SIAH3: variants seen among roughly 807,000 people sequenced by gnomAD.
The protein encoded by SIAH3 is seven in absentia homolog 3.
Under a neutral mutation model 12.6 loss-of-function variants are expected in SIAH3, and 9 were observed. The ratio of observed to expected loss-of-function variants is 0.72; its 90% CI spans 0.43 to 1.25. The LOEUF is 1.25. Among genes scored for constraint, SIAH3 ranks in the 50% most tolerant of loss-of-function variants. SIAH3 has a pLI of 0.00. For missense variants in SIAH3, 390 were observed against 365.4 expected (o/e 1.07, Z -0.55); for synonymous variants, 154 against 151.1 (o/e 1.02, Z -0.14).
chr13:45,850,476 A>C (rs1950776362), intron 1 of SIAH3, among the ~76,000 whole-genome samples: 1 of 152,130 alleles, frequency 6.6e-6, no homozygotes, highest in African/African-American at 2.4e-5. Context: ...CCTGCCTTAC[A>C]CAGGAGTACA....
In SIAH3 at chr13:45,826,413, A is replaced by AG. The variant is rs1566094876; in HGVS notation, c.135+25081_135+25082insC. Among the ~76,000 whole-genome samples the AG allele has an allele frequency of 5.3e-3, 63 of 11,892 alleles. 1 individual carries two copies. Among genetic ancestry groups the AG allele is most frequent in the African/African-American group, 8.7e-3 (29 of 3,352 alleles). 7.8% of individuals were successfully genotyped at this position (11,892 alleles called of 152,430 possible). A position where few individuals can be genotyped will look rare whatever the true frequency, so the allele number is the denominator to read the frequency against. Reference sequence around the variant, plus strand: ...GATGGATGGATGGATGGATGGATGGATGGATGGATGGATGGATGAATGGAT... The same window carrying AG: ...GATGGATGGATGGATGGATGGATGGAGTGGATGGATGGATGGATGAATGGAT... On this transcript the variant is annotated intron_variant, in intron 1 of 1. Transcript: ENST00000400405.
At chr13:45,841,711 G>A (rs1314435120) in intron 1 of SIAH3, among the ~76,000 whole-genome samples, 1 of 152,214 alleles carries the variant, frequency 6.6e-6, no homozygotes, top group African/African-American at 2.4e-5. Flanking sequence ...TAGTCAAGAT[G>A]AATATGTAGC....
rs34107365 is a variant in SIAH3 at position 45,839,560 on chromosome 13, C to T, written c.135+11935G>A. On this transcript the variant is annotated intron_variant, in intron 1 of 1. Coordinates refer to ENST00000400405, the MANE Select transcript of SIAH3 (RefSeq NM_198849.3). Reference sequence around the variant, plus strand: ...CAAACCATAATTTTTAGGCCAGGTGCGGTGGCTCACGCCTGTAATCCCAGC... The same window carrying T: ...CAAACCATAATTTTTAGGCCAGGTGTGGTGGCTCACGCCTGTAATCCCAGC... Among the ~76,000 whole-genome samples the T allele has an allele frequency of 6.4e-3, 974 of 152,290 alleles. 5 individuals are homozygous for T. The highest frequency in any genetic ancestry group is 9.2e-3 in the Non-Finnish European group (629 of 68,022).
intron 1 of SIAH3, among the ~76,000 whole-genome samples, chr13:45,831,884 TC>T (rs1950700591): frequency 6.6e-6 from 1 of 152,228 alleles, no homozygotes. Context: ...CATTCAGATA[TC>T]CCACTGCTAA....
rs571372326 is a variant in SIAH3, at chr13:45,849,519, G to A, written c.135+1976C>T. 4.6e-5 allele frequency among the ~76,000 whole-genome samples: 7 copies of A among 152,244 alleles called. No homozygotes were observed. In the East Asian group the frequency reaches 5.8e-4, roughly 13 times the overall value. ...TCTTTTCAGTCTCAAAAGCTGAGGC[G>A]GAGAAAGGGCAGATGTTCATCAGCC... On this transcript the variant is annotated intron_variant, in intron 1 of 1. Coordinates refer to ENST00000400405, the MANE Select transcript of SIAH3 (RefSeq NM_198849.3).
intron 1 of SIAH3, among the ~76,000 whole-genome samples, chr13:45,850,865 T>C (rs1680915235): frequency 6.7e-6 from 1 of 149,542 alleles, no homozygotes; most frequent in Admixed American, 6.7e-5. Flanking sequence ...CCTGCTCCAG[T>C]ACACAGAGCG....
intron 1 of SIAH3, among the ~76,000 whole-genome samples, chr13:45,793,638 A>C (rs1950553331): frequency 6.6e-6 from 1 of 152,100 alleles, no homozygotes; most frequent in South Asian, 2.1e-4. Flanking sequence ...GGATGAATAA[A>C]TAACTCCTCC....
chr13:45,843,034 C>CTCTGTGTGTGTGTGTG lies in SIAH3; in HGVS notation c.135+8460_135+8461insCACACACACACACAGA, dbSNP rs560128772. 2.9e-3 allele frequency among the ~76,000 whole-genome samples: 403 copies of CTCTGTGTGTGTGTGTG among 139,272 alleles called. 3 individuals are homozygous for CTCTGTGTGTGTGTGTG. The highest frequency in any genetic ancestry group is 9.8e-3 in the African/African-American group (372 of 37,796). 91.4% of individuals were successfully genotyped at this position (139,272 alleles called of 152,430 possible). On this transcript the variant is annotated intron_variant, in intron 1 of 1. Transcript: ENST00000400405. ...TGCCATTATTTCTCTCTCTCTCTCT[C>CTCTGTGTGTGTGTGTG]TGTGTGTGTGTGTGTGTGTGTGTGT...
intron 1 of SIAH3, among the ~76,000 whole-genome samples, chr13:45,832,303 C>T (rs1266603541): frequency 6.6e-6 from 1 of 152,192 alleles, no homozygotes; most frequent in African/African-American, 2.4e-5. Context: ...TTTTCAGAAC[C>T]TTTCCTCGCT....
At chr13:45,795,004 T>A (rs1329197123) in intron 1 of SIAH3, among the ~76,000 whole-genome samples, 3 of 152,078 alleles carry the variant, frequency 2.0e-5, no homozygotes, top group Non-Finnish European at 2.9e-5. Context: ...AGTCATTATA[T>A]TTCATTTTAT....
chr13:45,847,014 G>A (rs776368571), intron 1 of SIAH3, among the ~76,000 whole-genome samples: 3 of 152,114 alleles, frequency 2.0e-5, no homozygotes, highest in Non-Finnish European at 4.4e-5. Context: ...TTAGAATAAT[G>A]CTCGCACAGT....
In SIAH3 at chr13:45,844,997, TAGA is replaced by T. The variant is rs371421530; in HGVS notation, c.135+6495_135+6497del. Among the ~76,000 whole-genome samples, 15 of 152,338 alleles carry T rather than the reference TAGA, an allele frequency of 9.8e-5. No individual in the cohort carries two copies. In the East Asian group the frequency reaches 2.7e-3, roughly 27 times the overall value. ...AGTGCAACGACTGTTTCGAAGATTATAGAAGAAGTGAAAATGCAGGTGAAAGAT... is the reference window on the plus strand; with the variant it reads ...AGTGCAACGACTGTTTCGAAGATTATAGAAGTGAAAATGCAGGTGAAAGAT... On this transcript the variant is annotated intron_variant, in intron 1 of 1. Transcript: ENST00000400405.
rs1950489611 is a variant in SIAH3 at position 45,777,763 on chromosome 13, C to G, written c.*5620G>C. 6.6e-6 allele frequency: 1 copy of G among 152,232 alleles called. No individual in the cohort carries two copies. The highest frequency in any genetic ancestry group is 1.5e-5 in the Non-Finnish European group (1 of 68,038). 9.4% of individuals were successfully genotyped at this position (152,232 alleles called of 1,614,324 possible). ...GCTGAACCTCAATCAAAGCCTAACTCTTTGGGGTCCCACCCATGATCCCTT... is the reference window on the plus strand; with the variant it reads ...GCTGAACCTCAATCAAAGCCTAACTGTTTGGGGTCCCACCCATGATCCCTT... On this transcript the variant is annotated 3_prime_UTR_variant, in exon 2 of 2. Coordinates refer to ENST00000400405, the MANE Select transcript of SIAH3 (RefSeq NM_198849.3).
chr13:45,832,180 T>G (rs1481152587), intron 1 of SIAH3, among the ~76,000 whole-genome samples: 1 of 152,258 alleles, frequency 6.6e-6, no homozygotes, highest in African/African-American at 2.4e-5. Flanking sequence ...AAATATATTC[T>G]GTATTGTGGT....
chr13:45,831,388 AG>A (rs1355708439), intron 1 of SIAH3, among the ~76,000 whole-genome samples: 1 of 152,094 alleles, frequency 6.6e-6, no homozygotes, highest in Non-Finnish European at 1.5e-5. Context: ...GGCTTTCAGC[AG>A]AAGGGGGTCA....
intron 1 of SIAH3, among the ~76,000 whole-genome samples, chr13:45,809,226 C>T (rs1036222585): frequency 1.3e-4 from 20 of 152,142 alleles, no homozygotes; most frequent in Admixed American, 7.9e-4. Context: ...TTGGGGGCTC[C>T]GCAGAACTGA....
intron 1 of SIAH3, among the ~76,000 whole-genome samples, chr13:45,816,582 G>T (rs1950635306): frequency 6.6e-6 from 1 of 152,190 alleles, no homozygotes. Flanking sequence ...AGCCCCTCGG[G>T]CGTGCCCCAC....
chr13:45,817,854 C>G (rs1433783167), intron 1 of SIAH3, among the ~76,000 whole-genome samples: 1 of 152,214 alleles, frequency 6.6e-6, no homozygotes, highest in African/African-American at 2.4e-5. Context: ...GGTCTGAGGT[C>G]TGTCAGAGCC....
At chr13:45,800,478 G>T (rs959292670) in intron 1 of SIAH3, among the ~76,000 whole-genome samples, 3 of 152,348 alleles carry the variant, frequency 2.0e-5, no homozygotes, top group South Asian at 2.1e-4. Flanking sequence ...GAGCCTCAAA[G>T]AATTTGCTGT....
Sources: allele counts gnomAD v4.1 joint callset (sites outside exome capture counted in the v4.1 genomes callset), GRCh38; gene constraint gnomAD v4.1.1; transcripts MANE v1.5; gene names NCBI Gene and HGNC (gene_info 2026-07-23, HGNC 2026-07-21).